Variants in PTGS1 observed in about 807,000 individuals in gnomAD.
PTGS1 encodes prostaglandin G/H synthase 1.
Under a neutral mutation model 63.0 loss-of-function variants are expected in PTGS1, and 40 were observed. That is an observed-to-expected ratio of 0.63 (90% CI 0.49 to 0.83). PTGS1 has a LOEUF of 0.83. Ranked by LOEUF, PTGS1 falls within the 40% of genes least tolerant of loss-of-function variation. The pLI is 0.00. For synonymous variants in PTGS1, 298 were observed against 301.9 expected (o/e 0.99, Z 0.13); for missense variants, 709 against 786.5 (o/e 0.90, Z 1.18).
At chr9:122,381,819 G>A (rs1311427664) in intron 7 of PTGS1, 72 bp downstream of exon 7, 2 of 1,480,354 alleles carry the variant, frequency 1.4e-6, no homozygotes, top group Non-Finnish European at 1.9e-6. Flanking sequence ...ACTGCTTGGG[G>A]CGGGGGTCTG....
At chr9:122,386,809 T>A in intron 9 of PTGS1, 77 bp downstream of exon 9, 1 of 1,536,046 alleles carries the variant, frequency 6.5e-7, no homozygotes, top group Middle Eastern at 2.2e-4. Context: ...TCCAGGTTCT[T>A]CTTCTGTAAA....
At position 122,371,399 on chromosome 9, in the gene PTGS1, G is replaced by A. The variant is rs901001432; in HGVS notation, c.94+127G>A. 6.8e-6 allele frequency: 10 copies of A among 1,474,422 alleles called. No homozygotes were observed. The Admixed American group carries it at 1.3e-4, about 19-fold the overall frequency. The allele number at this position is 1,474,422 out of a possible 1,614,324, so 91.3% of individuals were successfully genotyped here. ...TGCTCGCGGTGCTGAGAAAGACTGAGGCTGAGTCTTTTGGTGGGATGGGGG... is the reference window on the plus strand; with the variant it reads ...TGCTCGCGGTGCTGAGAAAGACTGAAGCTGAGTCTTTTGGTGGGATGGGGG... On this transcript the variant is annotated intron_variant, in intron 2 of 10. Transcript: ENST00000362012.
intron 7 of PTGS1, 135 bp downstream of exon 7, chr9:122,381,882 G>A (rs184401906): frequency 6.2e-5 from 55 of 894,122 alleles, no homozygotes; most frequent in Admixed American, 3.6e-4. Flanking sequence ...TGCCAGGAGC[G>A]ACAGTATACG....
chr9:122,370,944 C>T, upstream of PTGS1: 1 of 1,361,128 alleles, frequency 7.3e-7, no homozygotes, highest in Non-Finnish European at 1.0e-6. Context: ...AGTAAGCGGG[C>T]AGCCGAGGTG....
chr9:122,383,438 G>A, intron 7 of PTGS1, 71 bp from the exon 8 acceptor site: 1 of 1,536,366 alleles, frequency 6.5e-7, no homozygotes, highest in African/African-American at 1.4e-5. Context: ...AGGCAGGAGT[G>A]GGAGGGAGTT....
At chr9:122,370,591 C>A, upstream of PTGS1, 1 of 177,848 alleles carries the variant, frequency 5.6e-6, no homozygotes, top group Non-Finnish European at 1.2e-5. Flanking sequence ...CCATTTCTAG[C>A]CCCCTTTCTT....
In PTGS1 at chr9:122,386,477, C is replaced by T. The variant is rs201795484; in HGVS notation, c.1041C>T (p.Tyr347=). The T allele has an allele frequency of 1.7e-5, 28 of 1,614,028 alleles. No individual in the cohort carries two copies. Among genetic ancestry groups the T allele is most frequent in the African/African-American group, 5.3e-5 (4 of 74,894 alleles). Residue 347 remains tyrosine (Y), a synonymous_variant, in exon 9 of 11, where the codon TAC becomes TAT. Coordinates refer to ENST00000362012, the MANE Select transcript of PTGS1 (RefSeq NM_000962.4). ...CCATCAAGATTGTCATCGAGGAGTA[C>T]GTGCAGCAGCTGAGTGGCTATTTCC... is the stretch of plus-strand genomic sequence containing the variant. ...GETIKIVIEE[Y]VQQLSGYFLQ...
At chr9:122,375,655 G>A (rs1190239375) in intron 2 of PTGS1, among the ~76,000 whole-genome samples, 1 of 152,172 alleles carries the variant, frequency 6.6e-6, no homozygotes, top group African/African-American at 2.4e-5. Context: ...CCAGGGCAAG[G>A]GAGAGTGGGA....
rs759598347 is a variant in PTGS1, at chr9:122,391,321, CAT to C, written c.1445-861_1445-860del. ...CAATACATATATACATATACACACA[CAT>C]ATATATGTGTGTGTATATATATACT... On this transcript the variant is annotated intron_variant, in intron 10 of 10. Transcript: ENST00000362012. Among the ~76,000 whole-genome samples the C allele has an allele frequency of 2.5e-3, 294 of 118,314 alleles. 2 individuals carry two copies. Among genetic ancestry groups the C allele is most frequent in the Non-Finnish European group, 2.8e-3 (179 of 63,542 alleles). The allele number at this position is 118,314 out of a possible 152,430, so 77.6% of individuals were successfully genotyped here.
chr9:122,378,372 C>T, intron 3 of PTGS1, 61 bp from the exon 4 acceptor site: 1 of 1,605,224 alleles, frequency 6.2e-7, no homozygotes, highest in Non-Finnish European at 8.5e-7. Context: ...CCATCTTCCA[C>T]CCTGGCTACT....
chr9:122,380,481 A>G (rs941521793), intron 5 of PTGS1, among the ~76,000 whole-genome samples: 1 of 146,716 alleles, frequency 6.8e-6, no homozygotes, highest in Admixed American at 6.8e-5. Context: ...AAATAAATAA[A>G]TAAATAAATA....
Position 122,391,608 on chromosome 9 carries a change from C to T in PTGS1, c.1445-581C>T, listed in dbSNP as rs111488054. 5.0e-3 allele frequency among the ~76,000 whole-genome samples: 761 copies of T among 151,212 alleles called. 8 individuals are homozygous for T. The highest frequency in any genetic ancestry group is 0.014 in the Middle Eastern group (4 of 294). On this transcript the variant is annotated intron_variant, in intron 10 of 10. Transcript: ENST00000362012. ...GCAGGGAAGCTCCATATTTGTCTCC[C>T]CTTGGCCACATGAACATGTGGATAT...
At chr9:122,390,625 A>C (rs574750241) in intron 10 of PTGS1, among the ~76,000 whole-genome samples, 79 of 152,204 alleles carry the variant, frequency 5.2e-4, no homozygotes, top group Admixed American at 1.6e-3. Context: ...CTGCCGGGCA[A>C]GGTGGCTCGC....
chr9:122,392,467 C>G lies in PTGS1; in HGVS notation c.1723C>G (p.Pro575Ala), dbSNP rs377391709. ...GGTCTGCCTCAACACCAAGACCTGT[C>G]CCTACGTTTCCTTCCGTGTGCCGGA... ...KLVCLNTKTC[P>A]YVSFRVPDAS... Residue 575 changes from proline (P) to alanine (A), a missense_variant, in exon 11 of 11, where the codon CCC becomes GCC. Physicochemically the swap from Pro to Ala is conservative, Grantham distance 27 (BLOSUM62 -1). Transcript: ENST00000362012. The G allele has an allele frequency of 8.7e-6, 14 of 1,614,038 alleles. No homozygotes were observed. The highest frequency in any genetic ancestry group is 1.3e-5 in the African/African-American group (1 of 74,910).
At position 122,392,707 on chromosome 9, in the gene PTGS1, T is replaced by C. The variant is rs201414265; in HGVS notation, c.*163T>C. 4 of 612,306 alleles carry C rather than the reference T, an allele frequency of 6.5e-6. No homozygotes were observed. Among genetic ancestry groups the C allele is most frequent in the Non-Finnish European group, 1.1e-5 (4 of 358,810 alleles). 37.9% of individuals were successfully genotyped at this position (612,306 alleles called of 1,614,324 possible). A position where few individuals can be genotyped will look rare whatever the true frequency, so the allele number is the denominator to read the frequency against. The stretch of plus-strand genomic sequence containing the variant: ...GTCTCACCCATTATCTGGAATATTG[T>C]GATTCTGTTTATTCTTCCAGAATGC... On this transcript the variant is annotated 3_prime_UTR_variant, in exon 11 of 11. Transcript: ENST00000362012.
intron 3 of PTGS1, 125 bp downstream of exon 3, chr9:122,378,140 G>C: frequency 1.0e-6 from 1 of 998,740 alleles, no homozygotes; most frequent in Non-Finnish European, 1.5e-6. Context: ...TCCTTGCCTG[G>C]TTCTGCCCCT....
chr9:122,393,442 G>A lies in PTGS1; in HGVS notation c.*898G>A, dbSNP rs1328745990. On this transcript the variant is annotated 3_prime_UTR_variant, in exon 11 of 11. Transcript: ENST00000362012. ...TGCTGGGATCCTTGGGCCCATCACT[G>A]TATAGACATGCTACCACTGGTACTT... The A allele has an allele frequency of 1.3e-5, 2 of 152,218 alleles. No individual in the cohort carries two copies. Among genetic ancestry groups the A allele is most frequent in the African/African-American group, 4.8e-5 (2 of 41,430 alleles). The allele number at this position is 152,218 out of a possible 1,614,324, so 9.4% of individuals were successfully genotyped here.
Position 122,392,366 on chromosome 9 carries a change from C to T in PTGS1, c.1622C>T (p.Pro541Leu), listed in dbSNP as rs753219685. 8.7e-6 allele frequency: 14 copies of T among 1,614,148 alleles called. No homozygotes were observed. Among genetic ancestry groups the T allele is most frequent in the South Asian group, 2.2e-5 (2 of 91,078 alleles). Reference protein sequence around the residue: ...KGLLGNPICSPEYWKPSTFGG... With the variant: ...KGLLGNPICSLEYWKPSTFGG... The stretch of plus-strand genomic sequence containing the variant: ...CTCCTAGGGAATCCCATCTGTTCTC[C>T]GGAGTACTGGAAGCCGAGCACATTT... Residue 541 changes from proline to leucine, a missense_variant, in exon 11 of 11, where the codon CCG (proline) becomes CTG (leucine). Transcript: ENST00000362012.
rs1388818436 is a variant in PTGS1, at chr9:122,394,625, T to G, written c.*2081T>G. On this transcript the variant is annotated 3_prime_UTR_variant, in exon 11 of 11. Transcript: ENST00000362012. ...TCTCCTTTCTTATTAATTTCAGTCT[T>G]GGTGGTTCTATCAGGGGTGCATTCT... The G allele has an allele frequency of 6.6e-6, 1 of 152,204 alleles. No homozygotes were observed. The highest frequency in any genetic ancestry group is 1.5e-5 in the Non-Finnish European group (1 of 68,094). The allele number at this position is 152,204 out of a possible 1,614,324, so 9.4% of individuals were successfully genotyped here.
Sources: gnomAD v4.1 joint callset for allele counts (sites outside exome capture counted in the v4.1 genomes callset) on GRCh38, gnomAD v4.1.1 for gene constraint, MANE v1.5 for transcripts, NCBI Gene and HGNC (gene_info 2026-07-23, HGNC 2026-07-21) for gene names.